GRID2: variants seen among roughly 807,000 people sequenced by gnomAD.
GRID2 encodes the protein glutamate ionotropic receptor delta type subunit 2.
GRID2 carries 33 observed loss-of-function variants against 114.8 expected under a neutral mutation model. The observed-to-expected ratio is 0.29, with a 90% CI of 0.22 to 0.38. The LOEUF (loss-of-function observed/expected upper bound fraction) is 0.38, where lower values mean the gene tolerates loss of function less well. Ranked by LOEUF, GRID2 falls within the 10% of genes least tolerant of loss-of-function variation. The probability of loss-of-function intolerance (pLI) is 1.00; values close to 1 mark genes in which losing one functional copy is unlikely to be tolerated. For missense variants in GRID2, 1,184 were observed against 1,257.7 expected (o/e 0.94, Z 0.89); for synonymous variants, 505 against 449.9 (o/e 1.12, Z -1.55).
chr4:93,362,222 T>A (rs547238636), intron 8 of GRID2, among the ~76,000 whole-genome samples: 6 of 152,204 alleles, frequency 3.9e-5, no homozygotes, highest in Non-Finnish European at 5.9e-5. Context: ...CCTCAGTGAG[T>A]ATATTTTTTA....
rs1426258735 is a variant in GRID2 at position 93,589,716 on chromosome 4, C to T, written c.2194-36553C>T. 2.3e-3 allele frequency among the ~76,000 whole-genome samples: 356 copies of T among 152,038 alleles called. 3 individuals carry two copies. The highest frequency in any genetic ancestry group is 0.017 in the South Asian group (83 of 4,804). On this transcript the variant is annotated intron_variant, in intron 13 of 15. Transcript: ENST00000282020. The stretch of plus-strand genomic sequence containing the variant: ...TCTCCACATCCTCTCCAGCACCTGT[C>T]GTTTCCTGACTTTTTAATGATTGCC...
At chr4:92,365,942 A>C (rs896103016) in intron 1 of GRID2, among the ~76,000 whole-genome samples, 1 of 152,088 alleles carries the variant, frequency 6.6e-6, no homozygotes, top group Non-Finnish European at 1.5e-5. Context: ...AGAAATGAGA[A>C]TAATAAAAAG....
intron 2 of GRID2, among the ~76,000 whole-genome samples, chr4:92,639,006 A>C (rs1731214789): frequency 6.6e-6 from 1 of 151,230 alleles, no homozygotes; most frequent in Non-Finnish European, 1.5e-5. Flanking sequence ...AGTACGCATA[A>C]TTTATTTCAC....
At chr4:93,496,118 T>A (rs1208832159) in intron 12 of GRID2, among the ~76,000 whole-genome samples, 5 of 100,526 alleles carry the variant, frequency 5.0e-5, no homozygotes, top group African/African-American at 8.7e-5. Flanking sequence ...TTTTCCTGAT[T>A]GTAAAAAAAA....
At chr4:93,214,959 T>C (rs1479729820) in intron 5 of GRID2, among the ~76,000 whole-genome samples, 1 of 152,050 alleles carries the variant, frequency 6.6e-6, no homozygotes, top group Non-Finnish European at 1.5e-5. Context: ...TATAAATTCA[T>C]CCTATGAGTA....
intron 13 of GRID2, among the ~76,000 whole-genome samples, chr4:93,520,094 T>A (rs1730182837): frequency 6.6e-6 from 1 of 152,122 alleles, no homozygotes; most frequent in Non-Finnish European, 1.5e-5. Flanking sequence ...AACTAGTGAG[T>A]AAGCTTACCC....
intron 1 of GRID2, among the ~76,000 whole-genome samples, chr4:92,580,893 T>TTTTG (rs199534189): frequency 0.017 from 2,222 of 128,248 alleles, 27 homozygotes; most frequent in Middle Eastern, 0.037. Flanking sequence ...CCTATTTGTT[T>TTTTG]TTTTTTTTTT....
intron 2 of GRID2, chr4:92,884,603 C>A (rs77952325): frequency 1.9e-5 from 3 of 158,370 alleles, no homozygotes; most frequent in Non-Finnish European, 4.2e-5. Context: ...TTAGAGGCCA[C>A]GGCAGGACTT....
intron 1 of GRID2, among the ~76,000 whole-genome samples, chr4:92,369,168 T>C (rs1467256390): frequency 6.6e-6 from 1 of 152,080 alleles, no homozygotes; most frequent in African/African-American, 2.4e-5. Context: ...ATGAAATATA[T>C]TATTTTTTCC....
At chr4:93,576,153 T>C (rs1320070662) in intron 13 of GRID2, among the ~76,000 whole-genome samples, 1 of 152,194 alleles carries the variant, frequency 6.6e-6, no homozygotes, top group Non-Finnish European at 1.5e-5. Context: ...AAAGTGGATA[T>C]AGGCACTCAA....
chr4:92,409,174 T>C (rs1417396227), intron 1 of GRID2, among the ~76,000 whole-genome samples: 1 of 152,156 alleles, frequency 6.6e-6, no homozygotes, highest in African/African-American at 2.4e-5. Context: ...GTTTTTAACA[T>C]GAAGGGATGT....
chr4:92,706,018 C>T (rs1441161259), intron 2 of GRID2, among the ~76,000 whole-genome samples: 1 of 152,160 alleles, frequency 6.6e-6, no homozygotes, highest in African/African-American at 2.4e-5. Flanking sequence ...GGTCTAGACA[C>T]CTCATCAGCC....
chr4:92,718,602 A>AT (rs1320854919), intron 2 of GRID2, among the ~76,000 whole-genome samples: 5 of 150,998 alleles, frequency 3.3e-5, no homozygotes, highest in East Asian at 1.9e-4. Flanking sequence ...CGTCTCTGCA[A>AT]TTTTTTTTTA....
chr4:92,741,643 C>A (rs1264751956), intron 2 of GRID2, among the ~76,000 whole-genome samples: 1 of 152,158 alleles, frequency 6.6e-6, no homozygotes, highest in Non-Finnish European at 1.5e-5. Flanking sequence ...CAAGCCTTTG[C>A]TCAGCTGTCT....
At chr4:93,329,941 C>T (rs1406949876) in intron 8 of GRID2, among the ~76,000 whole-genome samples, 3 of 151,930 alleles carry the variant, frequency 2.0e-5, no homozygotes, top group Non-Finnish European at 4.4e-5. Context: ...TTTTGTGCAG[C>T]TTCTGCTCTC....
At chr4:93,297,115 GA>G (rs1422036555) in intron 8 of GRID2, among the ~76,000 whole-genome samples, 3 of 152,242 alleles carry the variant, frequency 2.0e-5, no homozygotes, top group Admixed American at 2.0e-4. Flanking sequence ...AGAGATGATA[GA>G]AAAAAGTCTT....
At chr4:92,445,164 G>C (rs1000752808) in intron 1 of GRID2, among the ~76,000 whole-genome samples, 1 of 152,178 alleles carries the variant, frequency 6.6e-6, no homozygotes, top group Non-Finnish European at 1.5e-5. Context: ...TGTTAACAGT[G>C]CTACAAAGTA....
intron 1 of GRID2, among the ~76,000 whole-genome samples, chr4:92,560,288 C>T (rs1727046677): frequency 1.3e-5 from 2 of 152,154 alleles, no homozygotes; most frequent in Non-Finnish European, 2.9e-5. Context: ...GAACCCCTTT[C>T]CTCTTTTCCC....
intron 2 of GRID2, among the ~76,000 whole-genome samples, chr4:92,973,559 T>A (rs114536447): frequency 7.5e-4 from 114 of 152,248 alleles, no homozygotes; most frequent in African/African-American, 2.7e-3. Flanking sequence ...AGCAATTAGT[T>A]TATATGCCAG....
Sources: allele counts gnomAD v4.1 joint callset (sites outside exome capture counted in the v4.1 genomes callset), GRCh38; gene constraint gnomAD v4.1.1; transcripts MANE v1.5; gene names NCBI Gene and HGNC (gene_info 2026-07-23, HGNC 2026-07-21).